Variants in TRHDE observed in about 807,000 individuals in gnomAD.
The protein encoded by TRHDE is thyrotropin-releasing hormone-degrading ectoenzyme.
TRHDE carries 72 observed loss-of-function variants against 125.7 expected under a neutral mutation model. The ratio of observed to expected loss-of-function variants is 0.57; its 90% CI spans 0.47 to 0.70. The LOEUF is 0.70. Among genes scored for constraint, TRHDE ranks in the 30% least tolerant of loss-of-function variants. The pLI is 0.00. For missense variants in TRHDE, 1,110 were observed against 1,327.1 expected (o/e 0.84, Z 2.54); for synonymous variants, 509 against 509.1 (o/e 1.00, Z 0.00).
intron 2 of TRHDE, among the ~76,000 whole-genome samples, chr12:72,289,138 A>C (rs1879997302): frequency 6.6e-6 from 1 of 152,142 alleles, no homozygotes; most frequent in Admixed American, 6.6e-5. Flanking sequence ...AAGGAGTGGA[A>C]GTTTAGCTTT....
chr12:72,410,281 C>CTT (rs1359796739), intron 3 of TRHDE, among the ~76,000 whole-genome samples: 3 of 151,948 alleles, frequency 2.0e-5, no homozygotes, highest in Non-Finnish European at 2.9e-5. Flanking sequence ...ACAAAGAACT[C>CTT]TGAGTTGAAC....
chr12:72,335,477 C>T (rs1213096884), intron 2 of TRHDE, among the ~76,000 whole-genome samples: 1 of 152,142 alleles, frequency 6.6e-6, no homozygotes, highest in African/African-American at 2.4e-5. Flanking sequence ...CATTTGGCAC[C>T]AAACACCAAA....
At chr12:72,356,466 G>T (rs1049963634) in intron 2 of TRHDE, among the ~76,000 whole-genome samples, 4 of 151,062 alleles carry the variant, frequency 2.6e-5, no homozygotes, top group Non-Finnish European at 5.9e-5. Flanking sequence ...AAAATAATAT[G>T]TACAGCAAAC....
At chr12:72,141,872 G>C (rs1344123153) in intron 2 of TRHDE, among the ~76,000 whole-genome samples, 1 of 152,166 alleles carries the variant, frequency 6.6e-6, no homozygotes, top group African/African-American at 2.4e-5. Context: ...GAAATGACAG[G>C]TGATGGTTTG....
At chr12:72,177,867 A>G (rs1451797691) in intron 2 of TRHDE, among the ~76,000 whole-genome samples, 1 of 152,160 alleles carries the variant, frequency 6.6e-6, no homozygotes, top group African/African-American at 2.4e-5. Flanking sequence ...AAAAAATACA[A>G]GTGAGTACTT....
At chr12:72,607,369 A>G (rs527496437) in intron 12 of TRHDE, among the ~76,000 whole-genome samples, 2 of 152,232 alleles carry the variant, frequency 1.3e-5, no homozygotes, top group East Asian at 1.9e-4. Context: ...GATATTCACA[A>G]CTGTTGCTGT....
At chr12:72,591,113 T>TA (rs1404799935) in intron 12 of TRHDE, among the ~76,000 whole-genome samples, 3 of 152,142 alleles carry the variant, frequency 2.0e-5, no homozygotes, top group Non-Finnish European at 2.9e-5. Context: ...CTGCTCTTTT[T>TA]AAAACCATTA....
chr12:72,372,414 T>G (rs1269541317), intron 2 of TRHDE, among the ~76,000 whole-genome samples: 4 of 152,220 alleles, frequency 2.6e-5, no homozygotes, highest in African/African-American at 7.2e-5. Context: ...TTTGTCAATT[T>G]TGGCTTTTGT....
At chr12:72,386,368 G>A (rs149522093) in intron 3 of TRHDE, among the ~76,000 whole-genome samples, 3 of 151,930 alleles carry the variant, frequency 2.0e-5, no homozygotes, top group African/African-American at 4.8e-5. Flanking sequence ...CTTATACTCC[G>A]CTGTTTCCCC....
In TRHDE at chr12:72,349,054, C is replaced by G. The variant is rs1160132232; in HGVS notation, c.1189-28941C>G. Among the ~76,000 whole-genome samples the G allele has an allele frequency of 2.6e-5, 4 of 151,980 alleles. No homozygotes were observed. In the South Asian group the frequency reaches 6.2e-4, roughly 24 times the overall value. The stretch of plus-strand genomic sequence containing the variant: ...TAGCTTGAGGGAATGTAGTCTCCCT[C>G]TGGTCCATTAATATTAGCAATTGTA... On this transcript the variant is annotated intron_variant, in intron 2 of 18. Transcript: ENST00000261180.
In TRHDE at chr12:72,667,732, GCTTA is replaced by G. The variant is rs1038324774; in HGVS notation, c.*4541_*4544del. On this transcript the variant is annotated 3_prime_UTR_variant, in exon 19 of 19. Transcript: ENST00000261180. ...AATTTTTATTGTTTGATTTCCTAGT[GCTTA>G]CTTGTGTTTTACAGAAATATGTTAC... 4 of 151,586 alleles carry G rather than the reference GCTTA, an allele frequency of 2.6e-5. No individual in the cohort carries two copies. The highest frequency in any genetic ancestry group is 2.1e-4 in the South Asian group (1 of 4,814). The allele number at this position is 151,586 out of a possible 1,614,324, so 9.4% of individuals were successfully genotyped here.
chr12:72,655,703 A>G (rs142181236), intron 17 of TRHDE, among the ~76,000 whole-genome samples: 3 of 152,302 alleles, frequency 2.0e-5, no homozygotes, highest in African/African-American at 7.2e-5. Flanking sequence ...TTTTCTTATT[A>G]TATCTTCACA....
At chr12:72,572,370 C>T (rs1357079398) in intron 10 of TRHDE, among the ~76,000 whole-genome samples, 2 of 152,044 alleles carry the variant, frequency 1.3e-5, no homozygotes, top group Non-Finnish European at 2.9e-5. Context: ...ATTTTGGATA[C>T]ATTCTAAATA....
intron 3 of TRHDE, among the ~76,000 whole-genome samples, chr12:72,399,075 C>G (rs1237203300): frequency 6.6e-6 from 1 of 152,200 alleles, no homozygotes; most frequent in Non-Finnish European, 1.5e-5. Context: ...CTACTGTGAA[C>G]TGCCCATGCA....
At chr12:72,258,994 C>T (rs1592503284) in intron 2 of TRHDE, among the ~76,000 whole-genome samples, 1 of 152,116 alleles carries the variant, frequency 6.6e-6, no homozygotes, top group Non-Finnish European at 1.5e-5. Context: ...TGTTAGGTTT[C>T]TCCACTATAA....
intron 15 of TRHDE, among the ~76,000 whole-genome samples, chr12:72,648,437 T>C (rs73146991): frequency 0.038 from 5,734 of 152,172 alleles, 160 homozygotes; most frequent in Non-Finnish European, 0.056. Context: ...GGCATCCTAA[T>C]TGAAAAGGGA....
intron 2 of TRHDE, among the ~76,000 whole-genome samples, chr12:72,120,842 C>CT (rs1566228961): frequency 6.6e-6 from 1 of 151,796 alleles, no homozygotes; most frequent in Non-Finnish European, 1.5e-5. Context: ...CCACGCCCGG[C>CT]TAATTTTTTT....
chr12:72,651,539 A>T (rs553492864), intron 15 of TRHDE, among the ~76,000 whole-genome samples: 10 of 152,088 alleles, frequency 6.6e-5, no homozygotes, highest in Non-Finnish European at 1.5e-4. Context: ...TTTAAAAAAA[A>T]GTATTGGAGC....
At chr12:72,308,324 G>A (rs1002748086) in intron 2 of TRHDE, among the ~76,000 whole-genome samples, 9 of 152,102 alleles carry the variant, frequency 5.9e-5, no homozygotes, top group Admixed American at 5.9e-4. Context: ...GAGAGAGGTC[G>A]TTTAATGGTC....
Sources: allele counts gnomAD v4.1 joint callset (sites outside exome capture counted in the v4.1 genomes callset), GRCh38; gene constraint gnomAD v4.1.1; transcripts MANE v1.5; gene names NCBI Gene and HGNC (gene_info 2026-07-23, HGNC 2026-07-21).